PREP: variants seen among roughly 807,000 people sequenced by gnomAD.
PREP encodes dJ355L5.1 (prolyl endopeptidase).
PREP carries 29 observed loss-of-function variants against 87.6 expected under a neutral mutation model. That is an observed-to-expected ratio of 0.33 (90% confidence interval 0.25 to 0.45). PREP has a LOEUF of 0.45. Ranked by LOEUF, PREP falls within the 20% of genes least tolerant of loss-of-function variation. The pLI, the probability that PREP is intolerant of heterozygous loss-of-function variation, is 1.00. For synonymous variants in PREP, 337 were observed against 328.6 expected, an observed-to-expected ratio of 1.03 and a Z score of -0.28; for missense variants, 695 against 886.5, an observed-to-expected ratio of 0.78 and a Z score of 2.74.
intron 10 of PREP, among the ~76,000 whole-genome samples, chr6:105,316,425 A>G (rs1440108629): frequency 6.6e-6 from 1 of 152,216 alleles, no homozygotes; most frequent in African/African-American, 2.4e-5. Context: ...GACGATCGTC[A>G]CATCAAAGCT....
At chr6:105,373,720 C>T in intron 4 of PREP, 142 bp from the exon 5 acceptor site, 2 of 854,248 alleles carry the variant, frequency 2.3e-6, no homozygotes, top group Non-Finnish European at 3.6e-6. Flanking sequence ...AGTGAGGAAT[C>T]CCGGGGGCTC....
intron 5 of PREP, among the ~76,000 whole-genome samples, chr6:105,371,937 T>C (rs931539632): frequency 6.6e-6 from 1 of 152,228 alleles, no homozygotes; most frequent in Non-Finnish European, 1.5e-5. Context: ...ATTGGCCAGT[T>C]ATACTTTTTT....
intron 10 of PREP, among the ~76,000 whole-genome samples, chr6:105,321,034 A>T (rs1280602393): frequency 2.0e-5 from 3 of 152,248 alleles, no homozygotes; most frequent in Admixed American, 2.0e-4. Context: ...ACAGATTTTA[A>T]GCCATACAAG....
chr6:105,395,873 T>C (rs1029232884), intron 2 of PREP, among the ~76,000 whole-genome samples: 7 of 152,230 alleles, frequency 4.6e-5, no homozygotes, highest in African/African-American at 1.7e-4. Context: ...GCACAGGAAC[T>C]TCATCCTTTC....
At chr6:105,327,419 T>C (rs1396800250) in intron 9 of PREP, among the ~76,000 whole-genome samples, 1 of 152,182 alleles carries the variant, frequency 6.6e-6, no homozygotes, top group African/African-American at 2.4e-5. Flanking sequence ...TAGCTTCTCT[T>C]GATCCGCTGC....
chr6:105,374,301 A>G (rs1772630988), intron 4 of PREP, among the ~76,000 whole-genome samples: 1 of 152,254 alleles, frequency 6.6e-6, no homozygotes, highest in East Asian at 1.9e-4. Context: ...TGTGTTTCAT[A>G]TTAGCTTTTT....
intron 6 of PREP, among the ~76,000 whole-genome samples, chr6:105,361,278 C>T (rs1332314516): frequency 6.6e-6 from 1 of 152,062 alleles, no homozygotes. Context: ...CAACAGAACA[C>T]AAAACCTAAT....
intron 7 of PREP, 28 bp downstream of exon 7, chr6:105,352,944 A>C: frequency 6.4e-7 from 1 of 1,555,398 alleles, no homozygotes; most frequent in South Asian, 1.1e-5. Flanking sequence ...TCTTGGAATA[A>C]CTATCTGTGT....
Position 105,288,781 on chromosome 6 carries a change from G to A in PREP, c.1431C>T (p.Asn477=), listed in dbSNP as rs1770240901. Residue 477 remains asparagine (N), a synonymous_variant, in exon 11 of 15, where the codon AAC becomes AAT. Transcript: ENST00000652536. ...ACCTGTAGTTGGGTGTGATGGATAT[G>A]TTGAAGCCGCCATAGCCATATAAGA... ...PAFLYGYGGF[N]ISITPNYSVS... 1 of 1,614,128 alleles carries A rather than the reference G, an allele frequency of 6.2e-7. No individual in the cohort carries two copies. The highest frequency in any genetic ancestry group is 1.3e-5 in the African/African-American group (1 of 75,054).
At chr6:105,291,784 T>C (rs576621060) in intron 10 of PREP, among the ~76,000 whole-genome samples, 111 of 152,374 alleles carry the variant, frequency 7.3e-4, no homozygotes, top group African/African-American at 2.6e-3. Context: ...GCAGAACTTC[T>C]TTCAAAATTG....
intron 7 of PREP, among the ~76,000 whole-genome samples, chr6:105,335,741 A>C (rs977666017): frequency 1.3e-5 from 2 of 151,998 alleles, no homozygotes; most frequent in African/African-American, 4.8e-5. Flanking sequence ...AAATACAAAA[A>C]AATTAGCCGG....
At chr6:105,293,601 TAA>T (rs199738673) in intron 10 of PREP, among the ~76,000 whole-genome samples, 4,410 of 130,448 alleles carry the variant, frequency 0.034, 199 homozygotes, top group African/African-American at 0.11. Flanking sequence ...CTTCAATTTG[TAA>T]AAAAAAAAAA....
intron 1 of PREP, among the ~76,000 whole-genome samples, chr6:105,398,918 G>A (rs1773352672): frequency 6.6e-6 from 1 of 152,128 alleles, no homozygotes; most frequent in Middle Eastern, 3.4e-3. Flanking sequence ...GACCAGCCTG[G>A]CCAACATGCT....
At chr6:105,314,651 G>C (rs983092397) in intron 10 of PREP, among the ~76,000 whole-genome samples, 3 of 152,132 alleles carry the variant, frequency 2.0e-5, no homozygotes, top group Admixed American at 6.5e-5. Flanking sequence ...TAGATCTCTT[G>C]CTATTTCCAC....
intron 10 of PREP, among the ~76,000 whole-genome samples, chr6:105,308,010 C>T (rs766656748): frequency 6.6e-6 from 1 of 152,172 alleles, no homozygotes; most frequent in Non-Finnish European, 1.5e-5. Flanking sequence ...CCATCTTTAG[C>T]ATCCTTTGGT....
intron 9 of PREP, 84 bp from the exon 10 acceptor site, chr6:105,323,852 C>T: frequency 5.3e-6 from 6 of 1,129,682 alleles, no homozygotes; most frequent in Non-Finnish European, 8.0e-6. Flanking sequence ...CAACCAAATG[C>T]CAGCAATGGC....
Position 105,273,795 on chromosome 6 carries a change from C to T in PREP, c.*4349G>A, listed in dbSNP as rs73769958. The T allele has an allele frequency of 0.041, 6,326 of 153,404 alleles. 403 individuals are homozygous for T. The highest frequency in any genetic ancestry group is 0.15 in the African/African-American group (6,081 of 41,516). The allele number at this position is 153,404 out of a possible 1,614,324, so 9.5% of individuals were successfully genotyped here. On this transcript the variant is annotated 3_prime_UTR_variant, in exon 15 of 15. Coordinates refer to ENST00000652536, the MANE Select transcript of PREP (RefSeq NM_002726.5). The stretch of plus-strand genomic sequence containing the variant: ...TCCAGGCCTCGCCTGGCTCCCTGTT[C>T]CCCCCACACTGGCTTCCTGCTCTTC...
chr6:105,284,497 C>T (rs577567390), intron 12 of PREP, among the ~76,000 whole-genome samples: 1 of 152,272 alleles, frequency 6.6e-6, no homozygotes, highest in East Asian at 1.9e-4. Flanking sequence ...AAGAGAGGTA[C>T]AGATATCTTA....
intron 6 of PREP, among the ~76,000 whole-genome samples, chr6:105,368,236 C>G (rs1022844016): frequency 1.3e-5 from 2 of 152,304 alleles, no homozygotes; most frequent in Admixed American, 1.3e-4. Context: ...CAGAATGCTT[C>G]TCTAACAAGA....
Sources: allele counts gnomAD v4.1 joint callset (sites outside exome capture counted in the v4.1 genomes callset), GRCh38; gene constraint gnomAD v4.1.1; transcripts MANE v1.5; gene names NCBI Gene and HGNC (gene_info 2026-07-23, HGNC 2026-07-21).